The following ZNF75A variants were observed in gnomAD, a reference collection of about 807,000 sequenced individuals.
ZNF75A encodes the protein zinc finger protein 75A.
ZNF75A carries 36 observed loss-of-function variants against 46.3 expected under a neutral mutation model. That is an observed-to-expected ratio of 0.78 (90% CI 0.60 to 1.03). The LOEUF (loss-of-function observed/expected upper bound fraction) is 1.03. ZNF75A is among the 50% of genes least tolerant of loss of function. ZNF75A has a pLI of 0.00. For synonymous variants in ZNF75A, 234 were observed against 189.9 expected (o/e 1.23, Z -1.91); for missense variants, 595 against 551.3 (o/e 1.08, Z -0.79).
At chr16:3,314,610 C>A in intron 5 of ZNF75A, 1 of 957,388 alleles carries the variant, frequency 1.0e-6, no homozygotes, top group Non-Finnish European at 1.2e-6. Context: ...CCTTCGCCCC[C>A]GTGGGCCCCC....
In ZNF75A at chr16:3,311,857, C is replaced by A; in HGVS notation, c.513C>A (p.Ser171=). 9.7e-7 allele frequency: 1 copy of A among 1,034,542 alleles called. No individual in the cohort carries two copies. The highest frequency in any genetic ancestry group is 8.3e-5 in the East Asian group (1 of 12,116). 64.1% of individuals were successfully genotyped at this position (1,034,542 alleles called of 1,614,324 possible). A position where few individuals can be genotyped will look rare whatever the true frequency, so the allele number is the denominator to read the frequency against. ...CAGAGTCCCAACCAGTGGGCGTATC[C>A]CAAGATGAAGAATTTTGGAATACAT... ...KPTESQPVGV[S]QDEEFWNTYE... The change falls in exon 3 of 7, where the codon TCC becomes TCA. Residue 171 remains serine, a synonymous_variant. Transcript: ENST00000669516.
At chr16:3,320,647 C>G (rs950465995), downstream of ZNF75A, among the ~76,000 whole-genome samples, 4 of 152,190 alleles carry the variant, frequency 2.6e-5, no homozygotes, top group African/African-American at 9.6e-5. Flanking sequence ...TATTCTTTGT[C>G]TCCCTGCGCG....
At chr16:3,322,316 A>C (rs1271151423), downstream of ZNF75A, among the ~76,000 whole-genome samples, 1 of 152,144 alleles carries the variant, frequency 6.6e-6, no homozygotes, top group Non-Finnish European at 1.5e-5. Context: ...GGGGACCGAG[A>C]TGAGGGCACT....
At chr16:3,322,760 C>A (rs1317582721), downstream of ZNF75A, among the ~76,000 whole-genome samples, 3 of 151,788 alleles carry the variant, frequency 2.0e-5, no homozygotes, top group African/African-American at 7.3e-5. Flanking sequence ...TATTTTTGGG[C>A]CTTTCTTCCT....
At chr16:3,315,082 A>T (rs1324529320) in intron 5 of ZNF75A, 3 of 983,842 alleles carry the variant, frequency 3.0e-6, no homozygotes, top group Non-Finnish European at 3.6e-6. Flanking sequence ...GGAGATCTTG[A>T]TCCCTTCCCT....
At chr16:3,311,167 A>G (rs923718719) in intron 2 of ZNF75A, among the ~76,000 whole-genome samples, 4 of 152,018 alleles carry the variant, frequency 2.6e-5, no homozygotes, top group African/African-American at 7.2e-5. Context: ...GCTGGGCACA[A>G]TGGCTCACAC....
chr16:3,314,156 T>C (rs1034474289), intron 5 of ZNF75A, among the ~76,000 whole-genome samples: 3 of 152,180 alleles, frequency 2.0e-5, no homozygotes, highest in African/African-American at 7.2e-5. Flanking sequence ...CACTTGGTTC[T>C]AATTTACAAA....
rs775434751 is a variant in ZNF75A at position 3,318,274 on chromosome 16, TTC to T, written c.*407_*408del. ...TTCCAGGAACCAAATTGGATTTTCTTTCTTTTGTCATTGGACACGGTTTGCAA... is the reference window on the plus strand; with the variant it reads ...TTCCAGGAACCAAATTGGATTTTCTTTTTTGTCATTGGACACGGTTTGCAA... On this transcript the variant is annotated 3_prime_UTR_variant, in exon 7 of 7. Coordinates refer to ENST00000669516, the MANE Select transcript of ZNF75A (RefSeq NM_001302109.2). 1 of 990,110 alleles carries T rather than the reference TTC, an allele frequency of 1.0e-6. No homozygotes were observed. The highest frequency in any genetic ancestry group is 1.2e-6 in the Non-Finnish European group (1 of 833,288). The allele number at this position is 990,110 out of a possible 1,614,324, so 61.3% of individuals were successfully genotyped here.
At chr16:3,322,953 A>G, downstream of ZNF75A, 1 of 985,150 alleles carries the variant, frequency 1.0e-6, no homozygotes, top group Non-Finnish European at 1.2e-6. Flanking sequence ...TTCCGCCGAC[A>G]AGGAGGCAGC....
chr16:3,320,986 G>A (rs1204842884), downstream of ZNF75A, among the ~76,000 whole-genome samples: 1 of 152,176 alleles, frequency 6.6e-6, no homozygotes, highest in Non-Finnish European at 1.5e-5. Context: ...TCGTAGCTTA[G>A]CCAGTACCCA....
intron 5 of ZNF75A, chr16:3,314,862 C>T: frequency 1.0e-6 from 1 of 985,384 alleles, no homozygotes; most frequent in Non-Finnish European, 1.2e-6. Flanking sequence ...GTAAGACTGT[C>T]ATTTGTCTAG....
intron 2 of ZNF75A, chr16:3,310,648 AAAAAC>A: frequency 1.0e-6 from 1 of 984,692 alleles, no homozygotes; most frequent in Non-Finnish European, 1.2e-6. Flanking sequence ...AACAAACAAA[AAAAAC>A]AACTAGGGGA....
chr16:3,310,356 T>A (rs1960659768), intron 2 of ZNF75A, among the ~76,000 whole-genome samples: 1 of 151,080 alleles, frequency 6.6e-6, no homozygotes, highest in Admixed American at 6.6e-5. Flanking sequence ...ATTGCACCAC[T>A]GCACTCCAGC....
intron 1 of ZNF75A, chr16:3,306,055 A>G (rs1451543471): frequency 6.6e-6 from 1 of 152,202 alleles, no homozygotes; most frequent in Non-Finnish European, 1.5e-5. Flanking sequence ...GCAAAAACAT[A>G]GGAAGTGTCT....
At chr16:3,317,054 C>A in intron 6 of ZNF75A, 32 bp downstream of exon 6, 6 of 1,582,726 alleles carry the variant, frequency 3.8e-6, no homozygotes, top group Non-Finnish European at 5.2e-6. Context: ...GAGAAATGTG[C>A]CTTGATGTGA....
Position 3,308,354 on chromosome 16 carries a change from C to A in ZNF75A, c.-75C>A. 2 of 939,046 alleles carry A rather than the reference C, an allele frequency of 2.1e-6. No individual in the cohort carries two copies. The highest frequency in any genetic ancestry group is 2.5e-6 in the Non-Finnish European group (2 of 787,170). The allele number at this position is 939,046 out of a possible 1,614,324, so 58.2% of individuals were successfully genotyped here. ...ATCCTTTTATTGCTTTTGTACAAGA[C>A]CAGACAGGATCTCATTTGTTAAACG... On this transcript the variant is annotated 5_prime_UTR_variant, in exon 2 of 7. Coordinates refer to ENST00000669516, the MANE Select transcript of ZNF75A (RefSeq NM_001302109.2).
At chr16:3,319,610 C>T (rs1961448870), downstream of ZNF75A, among the ~76,000 whole-genome samples, 1 of 152,168 alleles carries the variant, frequency 6.6e-6, no homozygotes, top group Non-Finnish European at 1.5e-5. Context: ...CTGTCCTATA[C>T]TCTGAGGACA....
At chr16:3,314,687 C>A in intron 5 of ZNF75A, 2 of 985,226 alleles carry the variant, frequency 2.0e-6, no homozygotes, top group South Asian at 4.7e-5. Flanking sequence ...GCAGTTCATA[C>A]GCAGTTAGGC....
chr16:3,314,815 C>T (rs1470074553), intron 5 of ZNF75A: 9 of 985,422 alleles, frequency 9.1e-6, no homozygotes, highest in African/African-American at 1.7e-5. Flanking sequence ...GGATTACACT[C>T]AGAAGGCCCT....
Sources: allele counts gnomAD v4.1 joint callset (sites outside exome capture counted in the v4.1 genomes callset), GRCh38; gene constraint gnomAD v4.1.1; transcripts MANE v1.5; gene names NCBI Gene and HGNC (gene_info 2026-07-23, HGNC 2026-07-21).